Variants in EHHADH observed in about 807,000 individuals in gnomAD.
EHHADH encodes peroxisomal bifunctional enzyme.
EHHADH carries 48 observed loss-of-function variants against 64.4 expected under a neutral mutation model. The ratio of observed to expected loss-of-function variants is 0.75; its 90% CI spans 0.59 to 0.95. The LOEUF (loss-of-function observed/expected upper bound fraction) is 0.95, where lower values mean the gene tolerates loss of function less well. Ranked by LOEUF, EHHADH falls within the 40% of genes least tolerant of loss-of-function variation. EHHADH has a pLI of 0.00. For missense variants in EHHADH, 854 were observed against 876.6 expected (o/e 0.97, Z 0.33); for synonymous variants, 308 against 326.7 (o/e 0.94, Z 0.62).
chr3:185,209,752 T>G (rs1718488801), intron 5 of EHHADH, among the ~76,000 whole-genome samples: 1 of 152,232 alleles, frequency 6.6e-6, no homozygotes, highest in South Asian at 2.1e-4. Flanking sequence ...GCTTGATTAG[T>G]AAGTAGTGTT....
At chr3:185,219,224 T>A (rs1399223072) in intron 4 of EHHADH, among the ~76,000 whole-genome samples, 2 of 152,206 alleles carry the variant, frequency 1.3e-5, no homozygotes, top group Non-Finnish European at 2.9e-5. Flanking sequence ...GGAATTGCTA[T>A]TGTGTGAGCT....
Position 185,192,445 on chromosome 3 carries a change from T to C in EHHADH, c.1953A>G (p.Leu651=), listed in dbSNP as rs537055081. 2.3e-5 allele frequency: 37 copies of C among 1,614,232 alleles called. No homozygotes were observed. The South Asian group carries it at 4.0e-4, about 17-fold the overall frequency. The change falls in exon 7 of 7, where the codon TTA becomes TTG. Residue 651 remains leucine, a synonymous_variant. Transcript: ENST00000231887. The stretch of plus-strand genomic sequence containing the variant: ...TGTGCCTTGGCCATCCATATCCATG[T>C]AAATAGACAACATCAATGTGCTCTG... The part of the protein sequence containing the change: ...ASPEHIDVVY[L]HGYGWPRHKG...
At chr3:185,215,029 G>A (rs545645739) in intron 5 of EHHADH, among the ~76,000 whole-genome samples, 2 of 152,128 alleles carry the variant, frequency 1.3e-5, no homozygotes, top group Non-Finnish European at 2.9e-5. Context: ...ATTCTAATGA[G>A]AGCTTATTTA....
rs78555483 is a variant in EHHADH, at chr3:185,191,705, A to C, written c.*521T>G. The C allele has an allele frequency of 0.029, 4,426 of 154,978 alleles. 209 individuals are homozygous for C. The highest frequency in any genetic ancestry group is 0.1 in the African/African-American group (4,185 of 41,572). The allele number at this position is 154,978 out of a possible 1,614,324, so 9.6% of individuals were successfully genotyped here. A position where few individuals can be genotyped will look rare whatever the true frequency, so the allele number is the denominator to read the frequency against. On this transcript the variant is annotated 3_prime_UTR_variant, in exon 7 of 7. Transcript: ENST00000231887. ...TAAACAGAAGAGGAAAGACCAGAAG[A>C]GGAAAGGCTTGCCACACTAACCTAA...
At chr3:185,226,001 T>A (rs1403204053) in intron 4 of EHHADH, among the ~76,000 whole-genome samples, 1 of 152,218 alleles carries the variant, frequency 6.6e-6, no homozygotes. Flanking sequence ...TCTCCACCTG[T>A]CTATATCTAT....
At chr3:185,222,223 T>G (rs1188585364) in intron 4 of EHHADH, among the ~76,000 whole-genome samples, 1 of 151,808 alleles carries the variant, frequency 6.6e-6, no homozygotes, top group Non-Finnish European at 1.5e-5. Flanking sequence ...CTGTTTCTAC[T>G]AAAAATACAA....
intron 2 of EHHADH, among the ~76,000 whole-genome samples, chr3:185,244,300 G>A (rs1179276876): frequency 6.6e-6 from 1 of 152,100 alleles, no homozygotes. Context: ...CAATTTGCCT[G>A]TCTATATGTT....
intron 3 of EHHADH, among the ~76,000 whole-genome samples, chr3:185,231,806 G>A (rs1719138581): frequency 6.6e-6 from 1 of 152,206 alleles, no homozygotes; most frequent in Non-Finnish European, 1.5e-5. Flanking sequence ...GGTGATGGAG[G>A]ATTACTGCTA....
chr3:185,236,090 C>A (rs146622493), intron 2 of EHHADH, among the ~76,000 whole-genome samples: 33 of 152,156 alleles, frequency 2.2e-4, no homozygotes, highest in Non-Finnish European at 1.0e-4. Context: ...TTGAAAACCA[C>A]GCAAAATTAA....
At chr3:185,251,179 C>T (rs1466273332) in intron 1 of EHHADH, among the ~76,000 whole-genome samples, 1 of 151,376 alleles carries the variant, frequency 6.6e-6, no homozygotes, top group African/African-American at 2.4e-5. Context: ...GACCAAAACT[C>T]TTCAGCTTCT....
intron 6 of EHHADH, among the ~76,000 whole-genome samples, chr3:185,199,567 A>T (rs1278262045): frequency 6.6e-6 from 1 of 152,264 alleles, no homozygotes; most frequent in East Asian, 1.9e-4. Context: ...CGATTTTTGC[A>T]CTGCCTGCAG....
intron 2 of EHHADH, among the ~76,000 whole-genome samples, chr3:185,240,232 T>C (rs1224677375): frequency 6.6e-6 from 1 of 151,910 alleles, no homozygotes; most frequent in African/African-American, 2.4e-5. Flanking sequence ...TTGTTTTTTT[T>C]TTTTCTTGTG....
At chr3:185,246,860 T>C (rs1045841640) in intron 2 of EHHADH, among the ~76,000 whole-genome samples, 1 of 152,146 alleles carries the variant, frequency 6.6e-6, no homozygotes, top group Admixed American at 6.5e-5. Flanking sequence ...TTTTCTTTTC[T>C]AATATATATT....
intron 2 of EHHADH, among the ~76,000 whole-genome samples, chr3:185,247,519 T>C (rs1719626729): frequency 6.6e-6 from 1 of 152,068 alleles, no homozygotes; most frequent in Admixed American, 6.5e-5. Context: ...AGAATTAACA[T>C]ATAACATGTT....
At chr3:185,253,842 G>A in intron 1 of EHHADH, 107 bp downstream of exon 1, 1 of 1,512,306 alleles carries the variant, frequency 6.6e-7, no homozygotes, top group South Asian at 1.2e-5. Context: ...CTCAACTCTT[G>A]AGTGTCCTTC....
intron 6 of EHHADH, among the ~76,000 whole-genome samples, chr3:185,194,825 A>AAAAAAAAAAAAAAAAAAC (rs1718016180): frequency 1.4e-5 from 2 of 145,890 alleles, no homozygotes; most frequent in Non-Finnish European, 1.5e-5. Context: ...AAAAAAAAAA[A>AAAAAAAAAAAAAAAAAAC]AAAGAAGCCT....
At chr3:185,246,751 C>T (rs1317631186) in intron 2 of EHHADH, among the ~76,000 whole-genome samples, 1 of 152,010 alleles carries the variant, frequency 6.6e-6, no homozygotes, top group African/African-American at 2.4e-5. Flanking sequence ...TTAATTTCTC[C>T]TCTTTATTAT....
At chr3:185,199,558 G>A (rs1449127465) in intron 6 of EHHADH, among the ~76,000 whole-genome samples, 1 of 152,186 alleles carries the variant, frequency 6.6e-6, no homozygotes, top group African/African-American at 2.4e-5. Flanking sequence ...GCCCACTGCC[G>A]ATTTTTGCAC....
At chr3:185,226,031 A>G (rs1718962794) in intron 4 of EHHADH, among the ~76,000 whole-genome samples, 1 of 152,142 alleles carries the variant, frequency 6.6e-6, no homozygotes, top group Non-Finnish European at 1.5e-5. Context: ...TAAATTATAT[A>G]ATAGGTAGGC....
Sources: allele counts gnomAD v4.1 joint callset (sites outside exome capture counted in the v4.1 genomes callset), GRCh38; gene constraint gnomAD v4.1.1; transcripts MANE v1.5; gene names NCBI Gene and HGNC (gene_info 2026-07-23, HGNC 2026-07-21).